NRXN1: variants seen among roughly 807,000 people sequenced by gnomAD.
NRXN1 encodes neurexin-1.
In NRXN1, 39 loss-of-function variants were observed where a neutral mutation model predicts 150.9. The ratio of observed to expected loss-of-function variants is 0.26; its 90% CI spans 0.20 to 0.34. The LOEUF (loss-of-function observed/expected upper bound fraction) is 0.34, where lower values mean the gene tolerates loss of function less well. NRXN1 is among the 10% of genes least tolerant of loss of function. The probability of loss-of-function intolerance (pLI) is 1.00; values close to 1 mark genes in which losing one functional copy is unlikely to be tolerated. For synonymous variants in NRXN1, 924 were observed against 757.0 expected, an observed-to-expected ratio of 1.22 and a Z score of -3.62; for missense variants, 1,815 against 1,949.9, an observed-to-expected ratio of 0.93 and a Z score of 1.30.
chr2:50,935,927 AG>A, intron 2 of NRXN1, among the ~76,000 whole-genome samples: 1 of 152,286 alleles, frequency 6.6e-6, no homozygotes, highest in Non-Finnish European at 1.5e-5. Context: ...CAGTGTTGAA[AG>A]AATGCTGGCC....
At chr2:50,984,356 A>G (rs191153817) in intron 2 of NRXN1, among the ~76,000 whole-genome samples, 2 of 151,918 alleles carry the variant, frequency 1.3e-5, no homozygotes, top group African/African-American at 4.8e-5. Flanking sequence ...TTCTCTTTTT[A>G]ATAAATAAAA....
intron 21 of NRXN1, among the ~76,000 whole-genome samples, chr2:49,982,310 A>C (rs1430553285): frequency 1.3e-5 from 2 of 152,130 alleles, no homozygotes; most frequent in Non-Finnish European, 2.9e-5. Context: ...AAAGGCATTG[A>C]GGTATAAAAT....
intron 17 of NRXN1, among the ~76,000 whole-genome samples, chr2:50,372,710 C>A (rs946895901): frequency 2.6e-5 from 4 of 152,206 alleles, no homozygotes; most frequent in African/African-American, 9.6e-5. Flanking sequence ...AATACTCACT[C>A]ATATCGCAAA....
intron 9 of NRXN1, among the ~76,000 whole-genome samples, chr2:50,544,172 T>G (rs1344101390): frequency 2.6e-5 from 4 of 152,236 alleles, no homozygotes; most frequent in African/African-American, 7.2e-5. Flanking sequence ...AGTTACAAAT[T>G]TACTTGTCAA....
At chr2:50,816,426 G>A (rs563710314) in intron 5 of NRXN1, among the ~76,000 whole-genome samples, 2 of 152,118 alleles carry the variant, frequency 1.3e-5, no homozygotes, top group African/African-American at 4.8e-5. Flanking sequence ...AAAGCACCCA[G>A]AAAACAAATA....
At chr2:50,295,383 AT>A (rs2073440767) in intron 17 of NRXN1, among the ~76,000 whole-genome samples, 1 of 152,174 alleles carries the variant, frequency 6.6e-6, no homozygotes, top group African/African-American at 2.4e-5. Context: ...ATTAGACAAT[AT>A]TGTTCATGTT....
chr2:50,540,305 T>C (rs2093359860), intron 9 of NRXN1, among the ~76,000 whole-genome samples: 1 of 152,212 alleles, frequency 6.6e-6, no homozygotes, highest in African/African-American at 2.4e-5. Flanking sequence ...TACAAGTGTC[T>C]AGAAGAAAAC....
Position 50,514,056 on chromosome 2 carries a change from T to C in NRXN1, c.2375-7439A>G, listed in dbSNP as rs546291434. ...TTGGTTCTAAAGTTCACTTTATTTG[T>C]CTAACATATTCATTGTAATTTCTAC... On this transcript the variant is annotated intron_variant, in intron 12 of 22. Coordinates refer to ENST00000401669, the MANE Select transcript of NRXN1 (RefSeq NM_001330078.2). Among the ~76,000 whole-genome samples, 17 of 152,320 alleles carry C rather than the reference T, an allele frequency of 1.1e-4. No homozygotes were observed. The East Asian group carries it at 2.9e-3, about 26-fold the overall frequency.
intron 5 of NRXN1, among the ~76,000 whole-genome samples, chr2:50,911,108 C>T (rs1486713436): frequency 1.3e-5 from 2 of 152,026 alleles, no homozygotes; most frequent in African/African-American, 4.8e-5. Context: ...TTATCTTTGG[C>T]AAGGGGATAA....
At chr2:50,514,867 G>T (rs1573349820) in intron 12 of NRXN1, among the ~76,000 whole-genome samples, 2 of 152,254 alleles carry the variant, frequency 1.3e-5, no homozygotes, top group South Asian at 2.1e-4. Flanking sequence ...TTTTAGATTC[G>T]ATATTGCCAC....
At chr2:50,472,972 C>T (rs1461827219) in intron 15 of NRXN1, among the ~76,000 whole-genome samples, 1 of 151,820 alleles carries the variant, frequency 6.6e-6, no homozygotes. Context: ...ATAAAGTGGA[C>T]ACACAGTCAA....
intron 2 of NRXN1, among the ~76,000 whole-genome samples, chr2:51,009,480 G>A (rs1466518824): frequency 6.6e-6 from 1 of 151,834 alleles, no homozygotes; most frequent in Admixed American, 6.6e-5. Context: ...TGGGAAGGAG[G>A]CAAATTGCTC....
At chr2:50,527,332 G>A (rs1157571662) in intron 12 of NRXN1, among the ~76,000 whole-genome samples, 7 of 152,086 alleles carry the variant, frequency 4.6e-5, no homozygotes, top group Non-Finnish European at 8.8e-5. Context: ...TGTGCAAAAT[G>A]TATATCCTTT....
rs182946496 is a variant in NRXN1, at chr2:49,959,362, G to C, written c.4129-15571C>G. On this transcript the variant is annotated intron_variant, in intron 21 of 22. Coordinates refer to ENST00000401669, the MANE Select transcript of NRXN1 (RefSeq NM_001330078.2). ...TGGTTTATATTTTTACGTAGAACCT[G>C]ATGCAGCCATGCAGGCATCCAGCTG... Among the ~76,000 whole-genome samples, 818 of 152,306 alleles carry C rather than the reference G, an allele frequency of 5.4e-3. 5 individuals are homozygous for C. The highest frequency in any genetic ancestry group is 7.7e-3 in the Non-Finnish European group (525 of 68,032).
chr2:50,597,719 G>A (rs1463038457), intron 8 of NRXN1, among the ~76,000 whole-genome samples: 2 of 152,104 alleles, frequency 1.3e-5, no homozygotes, highest in Admixed American at 6.5e-5. Context: ...TTTGCTGCTC[G>A]GCAGCCAACA....
chr2:50,084,427 G>A (rs548090727), intron 19 of NRXN1, among the ~76,000 whole-genome samples: 3 of 152,288 alleles, frequency 2.0e-5, no homozygotes, highest in African/African-American at 4.8e-5. Context: ...GGGACCCTGC[G>A]CACTCTCTGC....
rs371009710 is a variant in NRXN1 at position 50,305,148 on chromosome 2, T to C, written c.3365-68178A>G. Among the ~76,000 whole-genome samples the C allele has an allele frequency of 8.5e-5, 13 of 152,190 alleles. No individual in the cohort carries two copies. In the South Asian group the frequency reaches 2.7e-3, roughly 31 times the overall value. On this transcript the variant is annotated intron_variant, in intron 17 of 22. Coordinates refer to ENST00000401669, the MANE Select transcript of NRXN1 (RefSeq NM_001330078.2). ...AGTTTATTAACTTGGTAAAATTAAATTGTATCCACATTACCAGCAGGCAAA... is the reference window on the plus strand; with the variant it reads ...AGTTTATTAACTTGGTAAAATTAAACTGTATCCACATTACCAGCAGGCAAA...
chr2:50,044,876 C>G (rs1219427471), intron 21 of NRXN1, among the ~76,000 whole-genome samples: 2 of 152,112 alleles, frequency 1.3e-5, no homozygotes, highest in Non-Finnish European at 2.9e-5. Context: ...TTACAGGCAA[C>G]ATATAGCATG....
chr2:50,121,831 C>T (rs1463654017), intron 18 of NRXN1, among the ~76,000 whole-genome samples: 1 of 152,030 alleles, frequency 6.6e-6, no homozygotes, highest in Admixed American at 6.6e-5. Flanking sequence ...CTAAAGTAAA[C>T]CATACAAAAT....
Sources: allele counts gnomAD v4.1 joint callset (sites outside exome capture counted in the v4.1 genomes callset), GRCh38; gene constraint gnomAD v4.1.1; transcripts MANE v1.5; gene names NCBI Gene and HGNC (gene_info 2026-07-23, HGNC 2026-07-21).